The following BAZ2B variants were observed in gnomAD, a reference collection of about 807,000 sequenced individuals.
BAZ2B encodes bromodomain adjacent to zinc finger domain 2B.
BAZ2B carries 91 observed loss-of-function variants against 246.0 expected under a neutral mutation model. That is an observed-to-expected ratio of 0.37 (90% CI 0.31 to 0.44). BAZ2B has a LOEUF of 0.44. BAZ2B is among the 20% of genes least tolerant of loss of function. The pLI is 1.00. For missense variants in BAZ2B, 2,332 were observed against 2,533.7 expected (o/e 0.92, Z 1.71); for synonymous variants, 855 against 860.0 (o/e 0.99, Z 0.10).
At chr2:159,652,095 T>C in the BAZ2B span, among the ~76,000 whole-genome samples, 17 of 152,292 alleles carry the variant, frequency 1.1e-4, no homozygotes, top group African/African-American at 3.8e-4. Context: ...ATAATAACTA[T>C]AATTTTCTCA....
chr2:159,359,989 G>A (rs906371251), intron 27 of BAZ2B, among the ~76,000 whole-genome samples: 9 of 152,096 alleles, frequency 5.9e-5, no homozygotes, highest in Admixed American at 2.6e-4. Flanking sequence ...ACAAACCCAC[G>A]GCCAATATCA....
At chr2:159,589,325 C>A (rs1049733757) in intron 1 of BAZ2B, among the ~76,000 whole-genome samples, 1 of 151,644 alleles carries the variant, frequency 6.6e-6, no homozygotes, top group African/African-American at 2.4e-5. Context: ...CCATTCTAAG[C>A]CAACTTTCAT....
At chr2:159,712,224 A>G in the BAZ2B span, 1 of 150,864 alleles carries the variant, frequency 6.6e-6, no homozygotes, top group South Asian at 2.1e-4. Flanking sequence ...ACGGGCGGGG[A>G]CCGCCCCGGC....
At chr2:159,490,071 C>T (rs1161047116) in intron 2 of BAZ2B, among the ~76,000 whole-genome samples, 1 of 152,158 alleles carries the variant, frequency 6.6e-6, no homozygotes, top group African/African-American at 2.4e-5. Context: ...AAACTAACTT[C>T]TTATAATGTT....
At chr2:159,419,495 T>A (rs1172896795) in intron 13 of BAZ2B, among the ~76,000 whole-genome samples, 2 of 152,194 alleles carry the variant, frequency 1.3e-5, no homozygotes, top group Non-Finnish European at 2.9e-5. Context: ...TTATGACAGA[T>A]ATTCTTAAGT....
At chr2:159,410,190 A>G (rs553764943) in intron 14 of BAZ2B, among the ~76,000 whole-genome samples, 1 of 152,354 alleles carries the variant, frequency 6.6e-6, no homozygotes, top group Admixed American at 6.5e-5. Context: ...TACTGACAAT[A>G]TCAGTTTTTA....
rs372608149 is a variant in BAZ2B at position 159,487,995 on chromosome 2, A to G, written c.-2-9274T>C. ...AAGAAGCTCAAAGGACAGCTGGAAA[A>G]TTAATCACAAAACGATCAGGATTAC... On this transcript the variant is annotated intron_variant, in intron 2 of 36. Transcript: ENST00000392783. Among the ~76,000 whole-genome samples, 21 of 152,270 alleles carry G rather than the reference A, an allele frequency of 1.4e-4. No homozygotes were observed. In the East Asian group the frequency reaches 3.5e-3, roughly 25 times the overall value.
At chr2:159,558,886 C>T (rs1247673659) in intron 1 of BAZ2B, among the ~76,000 whole-genome samples, 2 of 152,094 alleles carry the variant, frequency 1.3e-5, no homozygotes, top group African/African-American at 4.8e-5. Flanking sequence ...GAAGATAAGA[C>T]AGGAAACATT....
the BAZ2B span, among the ~76,000 whole-genome samples, chr2:159,645,813 G>A: frequency 6.6e-6 from 1 of 152,114 alleles, no homozygotes; most frequent in Non-Finnish European, 1.5e-5. Context: ...AAACCAGCAA[G>A]TTTTTATTAG....
At chr2:159,462,702 TA>T in intron 3 of BAZ2B, 1 of 1,366,184 alleles carries the variant, frequency 7.3e-7, no homozygotes, top group Non-Finnish European at 1.0e-6. Flanking sequence ...ACCTGGGCTG[TA>T]GGTGGTGTGA....
the BAZ2B span, among the ~76,000 whole-genome samples, chr2:159,637,796 A>G: frequency 6.6e-6 from 1 of 152,188 alleles, no homozygotes; most frequent in Admixed American, 6.5e-5. Context: ...TTGTGAGCTC[A>G]AGCAATCCAT....
chr2:159,636,745 C>A, the BAZ2B span, among the ~76,000 whole-genome samples: 2 of 152,116 alleles, frequency 1.3e-5, no homozygotes, highest in African/African-American at 4.8e-5. Context: ...CATCCCTCTC[C>A]CAATCCAGGC....
At chr2:159,502,008 T>C (rs2081897157) in intron 2 of BAZ2B, among the ~76,000 whole-genome samples, 1 of 152,178 alleles carries the variant, frequency 6.6e-6, no homozygotes. Flanking sequence ...AATAAAGTGA[T>C]ACATGAAGCA....
intron 33 of BAZ2B, among the ~76,000 whole-genome samples, chr2:159,334,465 A>T (rs2065283475): frequency 6.6e-6 from 1 of 152,186 alleles, no homozygotes; most frequent in African/African-American, 2.4e-5. Flanking sequence ...CCAAAAGGGT[A>T]TTTCTAAAGA....
intron 1 of BAZ2B, among the ~76,000 whole-genome samples, chr2:159,564,996 A>G (rs4665080): frequency 0.97 from 148,268 of 152,228 alleles, 72,337 homozygotes; most frequent in East Asian, 1. Flanking sequence ...TCAGCCTCCC[A>G]AGTAGCTGGG....
chr2:159,607,822 C>G (rs535300169), intron 1 of BAZ2B, among the ~76,000 whole-genome samples: 1 of 152,240 alleles, frequency 6.6e-6, no homozygotes, highest in African/African-American at 2.4e-5. Context: ...TCTAATTATT[C>G]CAATGAGAAG....
At chr2:159,384,035 A>G (rs1434802083) in intron 23 of BAZ2B, among the ~76,000 whole-genome samples, 2 of 152,078 alleles carry the variant, frequency 1.3e-5, no homozygotes, top group African/African-American at 4.8e-5. Flanking sequence ...GCAGGATACC[A>G]GAACACACAT....
At chr2:159,678,333 T>C in the BAZ2B span, among the ~76,000 whole-genome samples, 1 of 152,206 alleles carries the variant, frequency 6.6e-6, no homozygotes, top group African/African-American at 2.4e-5. Flanking sequence ...ACAACATAGA[T>C]ATTTTATACT....
intron 3 of BAZ2B, among the ~76,000 whole-genome samples, chr2:159,478,153 T>A (rs937099925): frequency 1.3e-5 from 2 of 152,144 alleles, no homozygotes; most frequent in African/African-American, 4.8e-5. Context: ...TTTAAAAATA[T>A]TTTCCATCAA....
Sources: gnomAD v4.1 joint callset for allele counts (sites outside exome capture counted in the v4.1 genomes callset) on GRCh38, gnomAD v4.1.1 for gene constraint, MANE v1.5 for transcripts, NCBI Gene and HGNC (gene_info 2026-07-23, HGNC 2026-07-21) for gene names.